Variants in PYGM observed in about 807,000 individuals in gnomAD.
PYGM encodes the protein glycogen phosphorylase, muscle form.
In PYGM, 81 loss-of-function variants were observed where a neutral mutation model predicts 99.3. The observed-to-expected ratio is 0.82, with a 90% CI of 0.68 to 0.98. The LOEUF (loss-of-function observed/expected upper bound fraction) is 0.98, where lower values mean the gene tolerates loss of function less well. Ranked by LOEUF, PYGM falls within the 50% of genes least tolerant of loss-of-function variation. PYGM has a pLI of 0.00. For missense variants in PYGM, 1,030 were observed against 1,158.1 expected, an observed-to-expected ratio of 0.89 and a Z score of 1.61; for synonymous variants, 436 against 451.5, an observed-to-expected ratio of 0.97 and a Z score of 0.44.
Position 64,754,543 on chromosome 11 carries a change from C to A in PYGM, c.999+150G>T. On this transcript the variant is annotated intron_variant, in intron 8 of 19. Transcript: ENST00000164139. This position sits in a 1 kb window ranked among gnomAD's most constrained non-coding sequence, Gnocchi z 5.5. ...GGAGGAGGGAAGCCCAGGTTCTGAG[C>A]CTGTGGATTGTGAATCCTGAACAAC... 8.0e-7 allele frequency: 1 copy of A among 1,253,412 alleles called. No individual in the cohort carries two copies. Among genetic ancestry groups the A allele is most frequent in the Non-Finnish European group, 1.1e-6 (1 of 898,448 alleles). 77.6% of individuals were successfully genotyped at this position (1,253,412 alleles called of 1,614,324 possible). A position where few individuals can be genotyped will look rare whatever the true frequency, so the allele number is the denominator to read the frequency against.
At chr11:64,749,755 C>T (rs2058340769) in intron 17 of PYGM, among the ~76,000 whole-genome samples, 1 of 151,938 alleles carries the variant, frequency 6.6e-6, no homozygotes, top group African/African-American at 2.4e-5. Context: ...CTACTGTGCC[C>T]ATATTTCCCT....
chr11:64,753,399 G>A (rs2058369964), intron 11 of PYGM, 120 bp downstream of exon 11: 1 of 1,404,010 alleles, frequency 7.1e-7, no homozygotes, highest in Non-Finnish European at 9.6e-7. Context: ...GACGCCACCT[G>A]TGAAAGGCGC....
rs1485657971 is a variant in PYGM at position 64,746,755 on chromosome 11, C to T, written c.2433G>A (p.Lys811=). ...MVIRNIATSG[K]FSSDRTIAQY... is the part of the protein sequence containing the mutation. ...GGGCAATGGTGCGGTCACTGGAGAA[C>T]TTGCCAGAGGTGGCTATGTTCCGGA... Residue 811 remains lysine, a synonymous_variant, in exon 20 of 20, where the codon AAG becomes AAA. Transcript: ENST00000164139. 3 of 1,614,198 alleles carry T rather than the reference C, an allele frequency of 1.9e-6. No homozygotes were observed. The East Asian group carries it at 6.7e-5, about 36-fold the overall frequency.
intron 17 of PYGM, among the ~76,000 whole-genome samples, 165 bp downstream of exon 17, chr11:64,750,211 C>T (rs1403022004): frequency 2.0e-5 from 3 of 152,054 alleles, no homozygotes; most frequent in East Asian, 1.9e-4. Context: ...TTTCATTAAC[C>T]TTATTTGCTG....
chr11:64,757,862 C>G lies in PYGM; in HGVS notation c.577G>C (p.Ala193Pro). The change falls in exon 5 of 20, where the codon GCC (alanine) becomes CCC (proline). Residue 193 changes from alanine to proline, a missense_variant. Coordinates refer to ENST00000164139, the MANE Select transcript of PYGM (RefSeq NM_005609.4). ...ACAGGTAGCGTGAACTCGGGCCGGG[C>G]CTTCTCCCAGGGGTTGCCGTAGCGA... ...WLRYGNPWEK[A>P]RPEFTLPVHF... The G allele has an allele frequency of 6.2e-7, 1 of 1,614,168 alleles. No individual in the cohort carries two copies. The highest frequency in any genetic ancestry group is 1.1e-5 in the South Asian group (1 of 91,088).
chr11:64,752,107 C>G, intron 13 of PYGM, 36 bp from the exon 14 acceptor site: 1 of 1,613,848 alleles, frequency 6.2e-7, no homozygotes, highest in South Asian at 1.1e-5. Flanking sequence ...CACCAACAGG[C>G]CACAGCCTCA....
In PYGM at chr11:64,757,862, C is replaced by T; in HGVS notation, c.577G>A (p.Ala193Thr). The change falls in exon 5 of 20, where the codon GCC (alanine) becomes ACC (threonine). Residue 193 changes from alanine (A) to threonine (T), a missense_variant. By Grantham distance (58) the Ala-to-Thr change is moderately conservative. Transcript: ENST00000164139. ...WLRYGNPWEK[A>T]RPEFTLPVHF... Reference sequence around the variant, plus strand: ...ACAGGTAGCGTGAACTCGGGCCGGGCCTTCTCCCAGGGGTTGCCGTAGCGA... The same window carrying T: ...ACAGGTAGCGTGAACTCGGGCCGGGTCTTCTCCCAGGGGTTGCCGTAGCGA... The T allele has an allele frequency of 6.2e-7, 1 of 1,614,168 alleles. No individual in the cohort carries two copies.
Position 64,746,490 on chromosome 11 carries a change from C to T in PYGM, c.*169G>A, listed in dbSNP as rs2058305679. 1.1e-6 allele frequency: 1 copy of T among 950,344 alleles called. No homozygotes were observed. Among genetic ancestry groups the T allele is most frequent in the Non-Finnish European group, 1.6e-6 (1 of 628,996 alleles). The allele number at this position is 950,344 out of a possible 1,614,324, so 58.9% of individuals were successfully genotyped here. A position where few individuals can be genotyped will look rare whatever the true frequency, so the allele number is the denominator to read the frequency against. Reference sequence around the variant, plus strand: ...GGGAGCCCGAGGACGGAAGGGGGCCCGTGTCCTTAGTCACGCTGGACACTG... The same window carrying T: ...GGGAGCCCGAGGACGGAAGGGGGCCTGTGTCCTTAGTCACGCTGGACACTG... On this transcript the variant is annotated 3_prime_UTR_variant, in exon 20 of 20. Transcript: ENST00000164139.
chr11:64,747,237 T>G lies in PYGM; in HGVS notation c.2299A>C (p.Met767Leu). The G allele has an allele frequency of 6.2e-7, 1 of 1,614,148 alleles. No individual in the cohort carries two copies. Among genetic ancestry groups the G allele is most frequent in the Non-Finnish European group, 8.5e-7 (1 of 1,179,978 alleles). ...DLFKDIVNMLMHHDRFKVFAD... is the reference protein window; with the variant it reads ...DLFKDIVNMLLHHDRFKVFAD... ...CAACCAGCTCACCGGTCATGGTGCA[T>G]GAGCATATTGACAATGTCCTTGAAC... The change falls in exon 18 of 20, where the codon ATG becomes CTG. Residue 767 changes from methionine to leucine, a missense_variant. Transcript: ENST00000164139.
Position 64,759,672 on chromosome 11 carries a change from T to A in PYGM, c.227A>T (p.Tyr76Phe), listed in dbSNP as rs1466112694. The change falls in exon 1 of 20, where the codon TAT becomes TTT. Residue 76 changes from tyrosine to phenylalanine, a missense_variant. Transcript: ENST00000164139. ...CAGCAGCACCTTGGGGTCCTTCTCA[T>A]AGTAGTGCTGCTGCGTGCGGATCCA... The part of the protein sequence containing the change: ...GRWIRTQQHY[Y>F]EKDPKRIYYL... 3 of 1,613,648 alleles carry A rather than the reference T, an allele frequency of 1.9e-6. No homozygotes were observed. Among genetic ancestry groups the A allele is most frequent in the Non-Finnish European group, 2.5e-6 (3 of 1,179,892 alleles).
intron 17 of PYGM, chr11:64,747,571 G>T: frequency 1.7e-6 from 1 of 603,896 alleles, no homozygotes; most frequent in Non-Finnish European, 2.9e-6. Flanking sequence ...ACTGAGGCCC[G>T]GAGGATACAG....
chr11:64,753,617 G>C lies in PYGM; in HGVS notation c.1305C>G (p.Gly435=). The change falls in exon 11 of 20, where the codon GGC becomes GGG. Residue 435 remains glycine, a synonymous_variant. Coordinates refer to ENST00000164139, the MANE Select transcript of PYGM (RefSeq NM_005609.4). ...GTGCCATGTTGATGCGCTTCACTGCGCCCTCCTCCACCAGCGACATGCGCC... is the reference window on the plus strand; with the variant it reads ...GTGCCATGTTGATGCGCTTCACTGCCCCCTCCTCCACCAGCGACATGCGCC... ...RLRRMSLVEE[G]AVKRINMAHL... is the part of the protein sequence containing the mutation. 6.2e-7 allele frequency: 1 copy of C among 1,608,674 alleles called. No homozygotes were observed. Among genetic ancestry groups the C allele is most frequent in the Non-Finnish European group, 8.5e-7 (1 of 1,179,352 alleles).
rs2058311690 is a variant in PYGM at position 64,746,737 on chromosome 11, G to A, written c.2451C>T (p.Thr817=). The change falls in exon 20 of 20, where the codon ACC becomes ACT. Residue 817 remains threonine (T), a synonymous_variant. Transcript: ENST00000164139. ...AGATCTCCCGGGCATACTGGGCAAT[G>A]GTGCGGTCACTGGAGAACTTGCCAG... The part of the protein sequence containing the change: ...ATSGKFSSDR[T]IAQYAREIWG... The A allele has an allele frequency of 9.3e-6, 15 of 1,614,058 alleles. No individual in the cohort carries two copies. Among genetic ancestry groups the A allele is most frequent in the Non-Finnish European group, 1.3e-5 (15 of 1,180,030 alleles).
chr11:64,754,262 G>A lies in PYGM; in HGVS notation c.1083C>T (p.Asp361=), dbSNP rs141959242. 1.2e-4 allele frequency: 199 copies of A among 1,613,072 alleles called. 1 individual carries two copies. In the African/African-American group the frequency reaches 2.3e-3, roughly 18 times the overall value. The change falls in exon 9 of 20, where the codon GAC becomes GAT. Residue 361 remains aspartate, a synonymous_variant. Coordinates refer to ENST00000164139, the MANE Select transcript of PYGM (RefSeq NM_005609.4). The surrounding 1 kb of genome is among the most constrained non-coding windows in gnomAD (Gnocchi z 5.5). ...MRILVDLERM[D]WDKAWDVTVR... is the part of the protein sequence containing the mutation. ...GGGCCCTGAAGCCCACCTTGTCCCA[G>A]TCCATCCGTTCCAGGTCCACCAGGA...
Position 64,751,935 on chromosome 11 carries a change from G to C in PYGM, c.1757C>G (p.Thr586Ser), listed in dbSNP as rs771473972. 6.2e-7 allele frequency: 1 copy of C among 1,614,204 alleles called. No individual in the cohort carries two copies. The highest frequency in any genetic ancestry group is 2.2e-5 in the East Asian group (1 of 44,890). ...TGGCTGCCACTCACGGTTGTACAGG[G>C]TGATGACATGGAGGCAGTTGAGGAG... ...RQLLNCLHVITLYNRIKREPN... is the reference protein window; with the variant it reads ...RQLLNCLHVISLYNRIKREPN... The change falls in exon 14 of 20, where the codon ACC (threonine) becomes AGC (serine). Residue 586 changes from threonine (T) to serine (S), a missense_variant. By Grantham distance (58) the Thr-to-Ser change is moderately conservative. Transcript: ENST00000164139.
In PYGM at chr11:64,758,115, G is replaced by A. The variant is rs979512924; in HGVS notation, c.528+131C>T. 7.3e-6 allele frequency: 10 copies of A among 1,362,844 alleles called. No homozygotes were observed. The African/African-American group carries it at 8.6e-5, about 12-fold the overall frequency. 84.4% of individuals were successfully genotyped at this position (1,362,844 alleles called of 1,614,324 possible). A position where few individuals can be genotyped will look rare whatever the true frequency, so the allele number is the denominator to read the frequency against. ...GGGGCACCAGCTGGCTTTGGGTCGG[G>A]GGGTGGGGAGCAGCAAGGATGCTTT... On this transcript the variant is annotated intron_variant, in intron 4 of 19. Transcript: ENST00000164139.
chr11:64,757,794 C>T lies in PYGM; in HGVS notation c.645G>A (p.Lys215=), dbSNP rs116315896. 13,532 of 1,614,182 alleles carry T rather than the reference C, an allele frequency of 8.4e-3. 73 individuals carry two copies. Among genetic ancestry groups the T allele is most frequent in the Non-Finnish European group, 0.01 (12,373 of 1,180,042 alleles). ...GHVEHTSQGA[K]WVDTQVVLAM... is the part of the protein sequence containing the mutation. ...TCATCCTCACCTGTGTGTCCACCCA[C>T]TTGGCACCCTGGCTGGTGTGCTCCA... is the stretch of plus-strand genomic sequence containing the variant. The change falls in exon 5 of 20, where the codon AAG becomes AAA. Residue 215 remains lysine (K), a synonymous_variant. Transcript: ENST00000164139.
In PYGM at chr11:64,752,057, C is replaced by T; in HGVS notation, c.1635G>A (p.Lys545=). ...ATTCCCTCTCTAGGTAGGCAGCAAA[C>T]TTCAACTTGTTTTCCTGGAGGCAGA... ...VAKVKQENKL[K]FAAYLEREYK... The change falls in exon 14 of 20, where the codon AAG becomes AAA. Residue 545 remains lysine, a synonymous_variant. Transcript: ENST00000164139. The T allele has an allele frequency of 6.2e-7, 1 of 1,613,952 alleles. No homozygotes were observed. Among genetic ancestry groups the T allele is most frequent in the Non-Finnish European group, 8.5e-7 (1 of 1,179,952 alleles).
rs1441504080 is a variant in PYGM, at chr11:64,753,608, C to T, written c.1314G>A (p.Lys438=). 6.2e-7 allele frequency: 1 copy of T among 1,608,782 alleles called. No individual in the cohort carries two copies. The highest frequency in any genetic ancestry group is 8.5e-7 in the Non-Finnish European group (1 of 1,179,262). The part of the protein sequence containing the change: ...RMSLVEEGAV[K]RINMAHLCIA... ...TGCACAGGTGTGCCATGTTGATGCG[C>T]TTCACTGCGCCCTCCTCCACCAGCG... The change falls in exon 11 of 20, where the codon AAG becomes AAA. Residue 438 remains lysine (K), a synonymous_variant. Coordinates refer to ENST00000164139, the MANE Select transcript of PYGM (RefSeq NM_005609.4).
Sources: gnomAD v4.1 joint callset for allele counts (sites outside exome capture counted in the v4.1 genomes callset) on GRCh38, gnomAD v4.1.1 for gene constraint, Gnocchi (gnomAD v3.1) non-coding constraint, MANE v1.5 for transcripts, NCBI Gene and HGNC (gene_info 2026-07-23, HGNC 2026-07-21) for gene names.